CAMKMT: variants seen among roughly 807,000 people sequenced by gnomAD.
The protein encoded by CAMKMT is CaM KMT.
CAMKMT carries 53 observed loss-of-function variants against 48.0 expected under a neutral mutation model. The observed-to-expected ratio is 1.10, with a 90% CI of 0.89 to 1.39. CAMKMT has a LOEUF of 1.39. Ranked by LOEUF, CAMKMT falls within the 40% of genes most tolerant of loss-of-function variation. The probability of loss-of-function intolerance (pLI) is 0.00; values close to 1 mark genes in which losing one functional copy is unlikely to be tolerated. For synonymous variants in CAMKMT, 165 were observed against 152.3 expected (o/e 1.08, Z -0.61); for missense variants, 428 against 402.7 (o/e 1.06, Z -0.54).
intron 3 of CAMKMT, among the ~76,000 whole-genome samples, chr2:44,609,687 C>G (rs914462719): frequency 6.6e-6 from 1 of 152,146 alleles, no homozygotes; most frequent in African/African-American, 2.4e-5. Context: ...AAACTTTGTT[C>G]TGATGAACTC....
At chr2:44,490,267 TTTTC>T (rs984715639) in intron 3 of CAMKMT, among the ~76,000 whole-genome samples, 25 of 152,010 alleles carry the variant, frequency 1.6e-4, no homozygotes, top group African/African-American at 3.9e-4. Flanking sequence ...TTTCTTGTCT[TTTTC>T]TTTCTTTCTT....
chr2:44,474,828 C>G (rs767622346), intron 3 of CAMKMT, among the ~76,000 whole-genome samples: 2 of 152,198 alleles, frequency 1.3e-5, no homozygotes, highest in African/African-American at 4.8e-5. Flanking sequence ...CTGCAATTCT[C>G]TATTTCCGTT....
At chr2:44,756,512 C>T (rs531886956) in intron 9 of CAMKMT, among the ~76,000 whole-genome samples, 26 of 151,750 alleles carry the variant, frequency 1.7e-4, no homozygotes, top group African/African-American at 3.6e-4. Flanking sequence ...GAGGCCGAGG[C>T]GGGCGGATCA....
chr2:44,550,271 C>T (rs1174013752), intron 3 of CAMKMT, among the ~76,000 whole-genome samples: 2 of 151,846 alleles, frequency 1.3e-5, no homozygotes, highest in East Asian at 3.9e-4. Context: ...TCTGGTGACA[C>T]ATGACTGTAG....
chr2:44,550,866 C>T (rs1667674559), intron 3 of CAMKMT: 1 of 152,174 alleles, frequency 6.6e-6, no homozygotes, highest in Admixed American at 6.5e-5. Context: ...TGTGGGTGTT[C>T]TGTATATTCT....
intron 6 of CAMKMT, among the ~76,000 whole-genome samples, chr2:44,710,926 A>C (rs1024026749): frequency 5.3e-4 from 81 of 152,332 alleles, no homozygotes; most frequent in African/African-American, 1.9e-3. Context: ...ATTTCTCTGT[A>C]AGCATCTTAT....
At chr2:44,766,346 T>G (rs1374708015) in intron 9 of CAMKMT, 84 bp from the exon 10 acceptor site, 1 of 1,471,932 alleles carries the variant, frequency 6.8e-7, no homozygotes, top group Non-Finnish European at 9.4e-7. Flanking sequence ...TTGAGAGCAG[T>G]ACATTAAATG....
intron 3 of CAMKMT, among the ~76,000 whole-genome samples, chr2:44,498,242 G>A (rs190524656): frequency 2.0e-5 from 3 of 152,224 alleles, no homozygotes; most frequent in East Asian, 1.9e-4. Context: ...TTCATGTTGT[G>A]GAGTTGGACA....
Position 44,733,716 on chromosome 2 carries a change from G to T in CAMKMT, c.624-9906G>T, listed in dbSNP as rs113622719. 8.8e-4 allele frequency among the ~76,000 whole-genome samples: 134 copies of T among 151,704 alleles called. 1 individual carries two copies. Among genetic ancestry groups the T allele is most frequent in the Admixed American group, 2.4e-3 (37 of 15,258 alleles). ...ATGATCATATGTTTTTTCTTTTTTG[G>T]CTTGCTAATATAGTAGATTATATTG... On this transcript the variant is annotated intron_variant, in intron 7 of 10. Transcript: ENST00000378494.
intron 3 of CAMKMT, among the ~76,000 whole-genome samples, chr2:44,700,388 G>A (rs1028403678): frequency 6.6e-6 from 1 of 152,196 alleles, no homozygotes; most frequent in African/African-American, 2.4e-5. Context: ...TCTGTTTAGT[G>A]CAAGAGGCCT....
intron 3 of CAMKMT, among the ~76,000 whole-genome samples, chr2:44,549,217 G>A (rs761090620): frequency 3.9e-5 from 6 of 152,100 alleles, no homozygotes; most frequent in Non-Finnish European, 4.4e-5. Flanking sequence ...TCTGAATCTG[G>A]TGAATGCCTG....
intron 3 of CAMKMT, among the ~76,000 whole-genome samples, chr2:44,491,150 CAAAAAA>C (rs201007456): frequency 1.8e-5 from 2 of 114,230 alleles, no homozygotes; most frequent in Non-Finnish European, 3.5e-5. Flanking sequence ...GACCTTGTCT[CAAAAAA>C]AAAAAAAAAA....
At chr2:44,521,106 C>T (rs1205088166) in intron 3 of CAMKMT, among the ~76,000 whole-genome samples, 1 of 152,144 alleles carries the variant, frequency 6.6e-6, no homozygotes, top group East Asian at 1.9e-4. Flanking sequence ...CAACCTATCT[C>T]CACAAGGTTG....
chr2:44,615,776 G>A (rs895141749), intron 3 of CAMKMT, among the ~76,000 whole-genome samples: 2 of 152,010 alleles, frequency 1.3e-5, no homozygotes, highest in African/African-American at 4.8e-5. Context: ...ATAATAGGGG[G>A]ACCCATAGAG....
intron 3 of CAMKMT, among the ~76,000 whole-genome samples, chr2:44,545,442 T>C (rs1209932141): frequency 6.6e-6 from 1 of 152,252 alleles, no homozygotes; most frequent in African/African-American, 2.4e-5. Flanking sequence ...AAATGAGTCA[T>C]AATACATGTA....
chr2:44,766,071 G>T (rs1680830526), intron 9 of CAMKMT, among the ~76,000 whole-genome samples: 1 of 152,192 alleles, frequency 6.6e-6, no homozygotes. Flanking sequence ...GAGTCACAAG[G>T]TGAATGGCAC....
chr2:44,544,983 A>G (rs1454329820), intron 3 of CAMKMT, among the ~76,000 whole-genome samples: 2 of 152,234 alleles, frequency 1.3e-5, no homozygotes, highest in East Asian at 3.8e-4. Flanking sequence ...TACTTTTTAG[A>G]TAAAAGCTAA....
At chr2:44,670,348 G>T (rs1449022346) in intron 3 of CAMKMT, among the ~76,000 whole-genome samples, 1 of 152,138 alleles carries the variant, frequency 6.6e-6, no homozygotes, top group African/African-American at 2.4e-5. Context: ...GGAGGCTGAG[G>T]CAGGAGGATC....
chr2:44,518,611 C>T lies in CAMKMT; in HGVS notation c.376+128306C>T, dbSNP rs1201487233. On this transcript the variant is annotated intron_variant, in intron 3 of 10. Transcript: ENST00000378494. ...CTAAATACCTACCTTAAGCTGCTTC[C>T]CTTTGCAGAGTTTTTTAAAAACCGA... Among the ~76,000 whole-genome samples, 6 of 152,182 alleles carry T rather than the reference C, an allele frequency of 3.9e-5. No individual in the cohort carries two copies. In the East Asian group the frequency reaches 7.7e-4, roughly 20 times the overall value.
Sources: gnomAD v4.1 joint callset for allele counts (sites outside exome capture counted in the v4.1 genomes callset) on GRCh38, gnomAD v4.1.1 for gene constraint, MANE v1.5 for transcripts, NCBI Gene and HGNC (gene_info 2026-07-23, HGNC 2026-07-21) for gene names.